Variants in SMURF2 observed in about 807,000 individuals in gnomAD.
SMURF2 encodes E3 ubiquitin-protein ligase SMURF2.
SMURF2 carries 48 observed loss-of-function variants against 109.6 expected under a neutral mutation model. The observed-to-expected ratio is 0.44, with a 90% CI of 0.35 to 0.56. The LOEUF (loss-of-function observed/expected upper bound fraction) is 0.56. SMURF2 is among the 20% of genes least tolerant of loss of function. The pLI is 0.01. For synonymous variants in SMURF2, 288 were observed against 317.1 expected, an observed-to-expected ratio of 0.91 and a Z score of 0.97; for missense variants, 575 against 909.0, an observed-to-expected ratio of 0.63 and a Z score of 4.72.
At chr17:64,647,752 C>CAG (rs1970578369) in intron 1 of SMURF2, among the ~76,000 whole-genome samples, 1 of 151,124 alleles carries the variant, frequency 6.6e-6, no homozygotes, top group South Asian at 2.1e-4. Flanking sequence ...TTCACTGGTT[C>CAG]AGATTACCTA....
intron 1 of SMURF2, among the ~76,000 whole-genome samples, chr17:64,607,309 A>T (rs1555689142): frequency 6.6e-6 from 1 of 152,128 alleles, no homozygotes; most frequent in African/African-American, 2.4e-5. Context: ...ACACACTAAA[A>T]AATATTGAAT....
chr17:64,561,720 G>A (rs1969222586), intron 11 of SMURF2, 117 bp from the exon 12 acceptor site: 5 of 694,638 alleles, frequency 7.2e-6, no homozygotes, highest in Non-Finnish European at 1.2e-5. Context: ...AATTTGGCCA[G>A]GTGCAGTAGC....
intron 3 of SMURF2, among the ~76,000 whole-genome samples, chr17:64,593,778 G>A (rs1372124418): frequency 6.6e-6 from 1 of 151,980 alleles, no homozygotes; most frequent in East Asian, 1.9e-4. Flanking sequence ...TATCACATCT[G>A]CCACTCTCAA....
At chr17:64,578,601 AC>A in intron 8 of SMURF2, 25 bp from the exon 9 acceptor site, 1 of 1,508,250 alleles carries the variant, frequency 6.6e-7, no homozygotes, top group Non-Finnish European at 9.2e-7. Flanking sequence ...AACACTGATA[AC>A]AAAAACATTC....
chr17:64,651,424 T>G (rs1970638226), intron 1 of SMURF2, among the ~76,000 whole-genome samples: 2 of 149,556 alleles, frequency 1.3e-5, no homozygotes, highest in African/African-American at 4.9e-5. Context: ...ATATAAAAAT[T>G]ACACGGGCAT....
intron 1 of SMURF2, among the ~76,000 whole-genome samples, chr17:64,613,738 G>C (rs1234797631): frequency 7.0e-6 from 1 of 143,708 alleles, no homozygotes; most frequent in Non-Finnish European, 1.5e-5. Context: ...GTGTGTGTGT[G>C]TGTGTGGAGG....
In SMURF2 at chr17:64,547,891, C is replaced by T; in HGVS notation, c.1870-90G>A. 1.8e-6 allele frequency: 2 copies of T among 1,090,418 alleles called. No homozygotes were observed. Among genetic ancestry groups the T allele is most frequent in the Non-Finnish European group, 1.4e-6 (1 of 726,254 alleles). The allele number at this position is 1,090,418 out of a possible 1,614,324, so 67.5% of individuals were successfully genotyped here. Reference sequence around the variant, plus strand: ...GAGAACTTTAGGTTTGTACTGCTGGCTGTCATTTGGTGGTTCCTAATTAAA... The same window carrying T: ...GAGAACTTTAGGTTTGTACTGCTGGTTGTCATTTGGTGGTTCCTAATTAAA... On this transcript the variant is annotated intron_variant, in intron 16 of 18. Coordinates refer to ENST00000262435, the MANE Select transcript of SMURF2 (RefSeq NM_022739.4). The surrounding 1 kb of genome is among the most constrained non-coding windows in gnomAD (Gnocchi z 4.2).
At chr17:64,638,941 C>G (rs1358896044) in intron 1 of SMURF2, among the ~76,000 whole-genome samples, 2 of 152,170 alleles carry the variant, frequency 1.3e-5, no homozygotes, top group Non-Finnish European at 2.9e-5. Flanking sequence ...CATAGCCAGA[C>G]CCCAAAAGTG....
chr17:64,593,308 A>AAT (rs2144655998), intron 4 of SMURF2, 132 bp downstream of exon 4: 5 of 698,258 alleles, frequency 7.2e-6, no homozygotes, highest in South Asian at 1.4e-4. Flanking sequence ...AACATACTCA[A>AAT]ATATATATAT....
chr17:64,555,320 T>A (rs1206406735), intron 14 of SMURF2, among the ~76,000 whole-genome samples: 1 of 152,216 alleles, frequency 6.6e-6, no homozygotes, highest in East Asian at 1.9e-4. Flanking sequence ...AGGGGCCAAG[T>A]GCCTGTGTAT....
rs1555684686 is a variant in SMURF2 at position 64,563,016 on chromosome 17, T to C, written c.1017-50A>G. On this transcript the variant is annotated intron_variant, in intron 10 of 18. Transcript: ENST00000262435. ...ATTAAAGTATATCAAATTTTAAAAATTGCAATTATAGATTTAAAATAGCAT... is the reference window on the plus strand; with the variant it reads ...ATTAAAGTATATCAAATTTTAAAAACTGCAATTATAGATTTAAAATAGCAT... 7.5e-6 allele frequency: 11 copies of C among 1,469,844 alleles called. 1 individual carries two copies. Among genetic ancestry groups the C allele is most frequent in the South Asian group, 1.3e-5 (1 of 77,124 alleles). 91.1% of individuals were successfully genotyped at this position (1,469,844 alleles called of 1,614,324 possible).
chr17:64,648,082 A>C (rs1480622402), intron 1 of SMURF2, among the ~76,000 whole-genome samples: 9 of 149,190 alleles, frequency 6.0e-5, no homozygotes, highest in East Asian at 2.0e-4. Context: ...AAAAAAAAAA[A>C]AAAAAAAAAA....
intron 9 of SMURF2, among the ~76,000 whole-genome samples, chr17:64,573,896 A>T (rs1969452084): frequency 6.6e-6 from 1 of 152,218 alleles, no homozygotes; most frequent in Admixed American, 6.5e-5. Context: ...CAAATATTGC[A>T]TGTTCTCACT....
At chr17:64,550,806 T>C (rs1449147487) in intron 16 of SMURF2, among the ~76,000 whole-genome samples, 1 of 151,226 alleles carries the variant, frequency 6.6e-6, no homozygotes, top group Non-Finnish European at 1.5e-5. Context: ...CAATTTATCC[T>C]AGGTGTTTTA....
At chr17:64,594,264 G>C (rs1476281889) in intron 3 of SMURF2, among the ~76,000 whole-genome samples, 2 of 152,154 alleles carry the variant, frequency 1.3e-5, no homozygotes, top group African/African-American at 4.8e-5. Context: ...CTATTTCAAT[G>C]ACAATAAGAG....
At chr17:64,605,260 C>A (rs1040735161) in intron 2 of SMURF2, among the ~76,000 whole-genome samples, 2 of 151,974 alleles carry the variant, frequency 1.3e-5, no homozygotes, top group Non-Finnish European at 2.9e-5. Context: ...TAATTTGCGT[C>A]CTATGTTCCA....
intron 12 of SMURF2, 22 bp downstream of exon 12, chr17:64,561,478 A>C: frequency 6.6e-7 from 1 of 1,518,198 alleles, no homozygotes. Flanking sequence ...CATATGTCAT[A>C]AGCTGGCAAG....
At chr17:64,556,287 C>T (rs1555684040) in intron 13 of SMURF2, among the ~76,000 whole-genome samples, 1 of 152,138 alleles carries the variant, frequency 6.6e-6, no homozygotes, top group East Asian at 1.9e-4. Context: ...CATTCAACTA[C>T]TTGCAGATCC....
rs1279569907 is a variant in SMURF2, at chr17:64,544,735, AAGC to A, written c.*1110_*1112del. 6.6e-6 allele frequency: 1 copy of A among 152,296 alleles called. No homozygotes were observed. The highest frequency in any genetic ancestry group is 1.5e-5 in the Non-Finnish European group (1 of 68,054). The allele number at this position is 152,296 out of a possible 1,614,324, so 9.4% of individuals were successfully genotyped here. ...AACCCCACTTCATTCTGTTAGGTAA[AAGC>A]AGGATTTTCTAAGCTTATTAATAAT... On this transcript the variant is annotated 3_prime_UTR_variant, in exon 19 of 19. Transcript: ENST00000262435.
Sources: gnomAD v4.1 joint callset for allele counts (sites outside exome capture counted in the v4.1 genomes callset) on GRCh38, gnomAD v4.1.1 for gene constraint, Gnocchi (gnomAD v3.1) non-coding constraint, MANE v1.5 for transcripts, NCBI Gene and HGNC (gene_info 2026-07-23, HGNC 2026-07-21) for gene names.